The following TDRP variants were observed in gnomAD, a reference collection of about 807,000 sequenced individuals.
TDRP encodes the protein testis development related protein.
A neutral mutation model predicts 10.5 loss-of-function variants in TDRP; 12 were observed. The ratio of observed to expected loss-of-function variants is 1.15; its 90% confidence interval spans 0.73 to 1.86. TDRP has a LOEUF of 1.86. Ranked by LOEUF, TDRP falls within the 40% of genes most tolerant of loss-of-function variation. The pLI is 0.00. For synonymous variants in TDRP, 139 were observed against 95.4 expected (o/e 1.46, Z -2.67); for missense variants, 353 against 229.2 (o/e 1.54, Z -3.49).
At chr8:504,627 T>TA (rs1158311590) in intron 1 of TDRP, among the ~76,000 whole-genome samples, 3 of 150,968 alleles carry the variant, frequency 2.0e-5, no homozygotes, top group African/African-American at 7.4e-5. Flanking sequence ...GTTTTGGGAA[T>TA]AAGAAGTCAG....
chr8:534,893 C>T (rs1446536503), intron 1 of TDRP, among the ~76,000 whole-genome samples: 1 of 152,170 alleles, frequency 6.6e-6, no homozygotes, highest in Non-Finnish European at 1.5e-5. Flanking sequence ...CAATGCCCAG[C>T]ACATGGCAGG....
intron 1 of TDRP, among the ~76,000 whole-genome samples, chr8:498,648 C>T (rs1801201433): frequency 6.6e-6 from 1 of 152,092 alleles, no homozygotes; most frequent in African/African-American, 2.4e-5. Context: ...GTTGGGAAGG[C>T]ATGACTGGTT....
At chr8:533,605 G>C (rs542782494) in intron 1 of TDRP, among the ~76,000 whole-genome samples, 7 of 152,104 alleles carry the variant, frequency 4.6e-5, no homozygotes, top group Admixed American at 1.3e-4. Flanking sequence ...TCCTTAAACA[G>C]GTAGTCTTTG....
intron 1 of TDRP, among the ~76,000 whole-genome samples, chr8:498,874 G>A (rs896870991): frequency 2.3e-5 from 3 of 131,204 alleles, no homozygotes; most frequent in Non-Finnish European, 4.6e-5. Flanking sequence ...AAAGTGTGTG[G>A]CACCTCCCTG....
At chr8:534,163 G>T (rs1332019802) in intron 1 of TDRP, among the ~76,000 whole-genome samples, 2 of 152,124 alleles carry the variant, frequency 1.3e-5, no homozygotes, top group Non-Finnish European at 2.9e-5. Context: ...CCTACTGGTG[G>T]CTACTAACAC....
At chr8:539,897 C>T (rs940734660) in intron 1 of TDRP, among the ~76,000 whole-genome samples, 12 of 152,210 alleles carry the variant, frequency 7.9e-5, no homozygotes, top group Admixed American at 6.5e-5. Flanking sequence ...GATTTTAAAA[C>T]ACCTGAAACA....
At chr8:508,690 G>T (rs537454356) in intron 1 of TDRP, among the ~76,000 whole-genome samples, 2 of 152,068 alleles carry the variant, frequency 1.3e-5, no homozygotes, top group Non-Finnish European at 2.9e-5. Context: ...CAGCCAAACC[G>T]TATCATTCCA....
chr8:507,670 T>C (rs370542234), intron 1 of TDRP, among the ~76,000 whole-genome samples: 52 of 152,176 alleles, frequency 3.4e-4, no homozygotes, highest in Middle Eastern at 3.4e-3. Context: ...GGGTGGAGAA[T>C]TGACTTCTCT....
intron 1 of TDRP, among the ~76,000 whole-genome samples, chr8:522,693 G>T (rs979335707): frequency 2.6e-5 from 4 of 152,152 alleles, no homozygotes; most frequent in Non-Finnish European, 5.9e-5. Flanking sequence ...ATGTTAATCC[G>T]ACTGACTCGG....
At chr8:495,749 G>A (rs553339489) in intron 1 of TDRP, among the ~76,000 whole-genome samples, 3 of 152,304 alleles carry the variant, frequency 2.0e-5, no homozygotes, top group South Asian at 2.1e-4. Flanking sequence ...ACACTGATCC[G>A]AGACAAGGAT....
chr8:522,712 A>G (rs1801938518), intron 1 of TDRP, among the ~76,000 whole-genome samples: 1 of 152,162 alleles, frequency 6.6e-6, no homozygotes, highest in African/African-American at 2.4e-5. Flanking sequence ...GGTGCACCTA[A>G]ATAATTAAAT....
chr8:540,146 G>C (rs187033596), intron 1 of TDRP, among the ~76,000 whole-genome samples: 1 of 152,136 alleles, frequency 6.6e-6, no homozygotes, highest in Non-Finnish European at 1.5e-5. Flanking sequence ...TCTACTATTT[G>C]CATAAAACTT....
At chr8:499,676 C>T (rs569377013) in intron 1 of TDRP, among the ~76,000 whole-genome samples, 15 of 152,364 alleles carry the variant, frequency 9.8e-5, no homozygotes, top group African/African-American at 3.1e-4. Context: ...ATCCACTATG[C>T]GGGCAGAAAG....
chr8:502,142 G>A (rs969430059), intron 1 of TDRP, among the ~76,000 whole-genome samples: 1 of 152,208 alleles, frequency 6.6e-6, no homozygotes, highest in East Asian at 1.9e-4. Flanking sequence ...GCCCCCAACA[G>A]GCTAAGGTTT....
chr8:518,394 T>G (rs1356784421), intron 1 of TDRP, among the ~76,000 whole-genome samples: 1 of 152,210 alleles, frequency 6.6e-6, no homozygotes, highest in Non-Finnish European at 1.5e-5. Flanking sequence ...AAAGGTAACC[T>G]GTGCTACCAG....
At chr8:495,988 G>C (rs2116718378) in intron 1 of TDRP, among the ~76,000 whole-genome samples, 1 of 152,344 alleles carries the variant, frequency 6.6e-6, no homozygotes, top group Middle Eastern at 3.4e-3. Flanking sequence ...CCCTCCAACA[G>C]TTGTGACTGG....
intron 1 of TDRP, among the ~76,000 whole-genome samples, chr8:522,735 A>T (rs912309651): frequency 6.6e-6 from 1 of 151,708 alleles, no homozygotes; most frequent in East Asian, 1.9e-4. Context: ...TTCCTCCTCA[A>T]CCCCTGCCTC....
intron 1 of TDRP, among the ~76,000 whole-genome samples, chr8:543,935 G>T (rs1053776955): frequency 2.9e-5 from 4 of 135,862 alleles, no homozygotes; most frequent in African/African-American, 1.1e-4. Flanking sequence ...GGAGGGGGGG[G>T]GAGGGGGTGG....
At position 530,366 on chromosome 8, in the gene TDRP, G is replaced by T. The variant is rs999027334; in HGVS notation, c.108+14284C>A. Among the ~76,000 whole-genome samples the T allele has an allele frequency of 2.6e-5, 4 of 152,014 alleles. No individual in the cohort carries two copies. In the East Asian group the frequency reaches 7.7e-4, roughly 29 times the overall value. On this transcript the variant is annotated intron_variant, in intron 1 of 2. Coordinates refer to ENST00000324079, the MANE Select transcript of TDRP (RefSeq NM_001384899.1). ...TCTGTTTCTCTAGGGTCAAATTCTG[G>T]AGATTTATTTTGTTCCATTAATTGG...
Sources: allele counts gnomAD v4.1 joint callset (sites outside exome capture counted in the v4.1 genomes callset), GRCh38; gene constraint gnomAD v4.1.1; transcripts MANE v1.5; gene names NCBI Gene and HGNC (gene_info 2026-07-23, HGNC 2026-07-21).